Variants in TEAD2 observed in about 807,000 individuals in gnomAD.
The protein encoded by TEAD2 is TEA domain transcription factor 2, also known as transcriptional enhancer factor TEF-4.
A neutral mutation model predicts 61.4 loss-of-function variants in TEAD2; 51 were observed. The observed-to-expected ratio is 0.83, with a 90% CI of 0.66 to 1.05. TEAD2 has a LOEUF of 1.05. Among genes scored for constraint, TEAD2 ranks in the 50% least tolerant of loss-of-function variants. The pLI, the probability that TEAD2 is intolerant of heterozygous loss-of-function variation, is 0.00. For synonymous variants in TEAD2, 244 were observed against 243.2 expected, an observed-to-expected ratio of 1.00 and a Z score of -0.03; for missense variants, 509 against 600.0, an observed-to-expected ratio of 0.85 and a Z score of 1.58.
Position 49,357,232 on chromosome 19 carries a change from A to G in TEAD2, c.360+20T>C, listed in dbSNP as rs199908525. ...CCCCAGTCTCTGTCCCCCTCTCAGG[A>G]TGTCTGCATTGGTCCCTACCTTCAA... On this transcript the variant is annotated intron_variant, in intron 4 of 12. Transcript: ENST00000593945. 391 of 1,031,166 alleles carry G rather than the reference A, an allele frequency of 3.8e-4. 5 individuals carry two copies. The South Asian group carries it at 4.2e-3, about 11-fold the overall frequency. 63.9% of individuals were successfully genotyped at this position (1,031,166 alleles called of 1,614,324 possible). A position where few individuals can be genotyped will look rare whatever the true frequency, so the allele number is the denominator to read the frequency against.
chr19:49,352,611 A>G (rs909205216), intron 7 of TEAD2, among the ~76,000 whole-genome samples: 2 of 152,120 alleles, frequency 1.3e-5, no homozygotes, highest in African/African-American at 4.8e-5. Context: ...ATCTTGGCTC[A>G]CCGCAACCTC....
Position 49,359,291 on chromosome 19 carries a change from T to C in TEAD2, c.297+144A>G, listed in dbSNP as rs2146635209. ...AGCCTCGGGTAATTCTTTATAGCAA[T>C]ACAAACGGACTAACACACATGCCGA... On this transcript the variant is annotated intron_variant, in intron 3 of 12. Transcript: ENST00000593945. This position sits in a 1 kb window ranked among gnomAD's most constrained non-coding sequence, Gnocchi z 4.1. 1 of 728,454 alleles carries C rather than the reference T, an allele frequency of 1.4e-6. No homozygotes were observed. Among genetic ancestry groups the C allele is most frequent in the East Asian group, 2.5e-5 (1 of 39,714 alleles). 45.1% of individuals were successfully genotyped at this position (728,454 alleles called of 1,614,324 possible).
intron 1 of TEAD2, chr19:49,360,458 G>T: frequency 3.8e-6 from 1 of 266,526 alleles, no homozygotes. Context: ...TTCTTGGAAA[G>T]CTGAGGATGG....
intron 1 of TEAD2, chr19:49,360,341 A>G: frequency 2.1e-6 from 1 of 482,788 alleles, no homozygotes. Flanking sequence ...TGGGGCCTGG[A>G]CTCCTGGGTC....
intron 7 of TEAD2, among the ~76,000 whole-genome samples, chr19:49,354,303 A>C (rs548149198): frequency 1.3e-5 from 2 of 151,682 alleles, no homozygotes; most frequent in Non-Finnish European, 2.9e-5. Context: ...CAGGAGTTCA[A>C]GACCAACCTG....
intron 1 of TEAD2, 89 bp from the exon 2 acceptor site, chr19:49,360,170 G>T: frequency 9.5e-7 from 1 of 1,053,934 alleles, no homozygotes; most frequent in Non-Finnish European, 1.4e-6. Flanking sequence ...GGACCACTGG[G>T]TCTGAGGGAG....
At chr19:49,357,460 C>T (rs1972483334) in intron 3 of TEAD2, 146 bp from the exon 4 acceptor site, 2 of 839,666 alleles carry the variant, frequency 2.4e-6, no homozygotes, top group Non-Finnish European at 1.9e-6. Context: ...CTCGGGAGCA[C>T]CCGAACACAG....
intron 12 of TEAD2, among the ~76,000 whole-genome samples, chr19:49,342,037 C>A (rs1469647318): frequency 6.6e-6 from 1 of 151,994 alleles, no homozygotes; most frequent in Non-Finnish European, 1.5e-5. Flanking sequence ...ACTAAAAATA[C>A]AAAAATTAGC....
intron 3 of TEAD2, among the ~76,000 whole-genome samples, chr19:49,358,221 G>T (rs566866274): frequency 6.6e-6 from 1 of 152,060 alleles, no homozygotes; most frequent in Non-Finnish European, 1.5e-5. Flanking sequence ...GCAACAGAGC[G>T]AGACTCCGTC....
chr19:49,361,447 G>A (rs565802265), intron 1 of TEAD2: 1 of 153,150 alleles, frequency 6.5e-6, no homozygotes, highest in East Asian at 1.9e-4. Context: ...CCGAGACCAG[G>A]AGAGACCCAC....
chr19:49,343,855 T>TG (rs549395579), intron 10 of TEAD2, among the ~76,000 whole-genome samples: 2,674 of 113,500 alleles, frequency 0.024, 85 homozygotes, highest in African/African-American at 0.054. Flanking sequence ...TCTTTTTTTT[T>TG]GGGGGGGGGG....
intron 8 of TEAD2, among the ~76,000 whole-genome samples, chr19:49,349,577 AG>A (rs1971879637): frequency 6.6e-6 from 1 of 152,006 alleles, no homozygotes. Context: ...CATAGTAACA[AG>A]TGAATTCTCA....
At position 49,341,570 on chromosome 19, in the gene TEAD2, A is replaced by C. The variant is rs1370852009; in HGVS notation, c.1243-133T>G. The C allele has an allele frequency of 1.5e-4, 105 of 708,328 alleles. No homozygotes were observed. Among genetic ancestry groups the C allele is most frequent in the Middle Eastern group, 2.4e-4 (1 of 4,178 alleles). The allele number at this position is 708,328 out of a possible 1,614,324, so 43.9% of individuals were successfully genotyped here. The stretch of plus-strand genomic sequence containing the variant: ...CCAGGAAACAGGCCGCCACCATATC[A>C]TGTTCCCCAGGAGAAAGGGATGCCC... On this transcript the variant is annotated intron_variant, in intron 12 of 12. Transcript: ENST00000593945. This position sits in a 1 kb window ranked among gnomAD's most constrained non-coding sequence, Gnocchi z 4.2.
chr19:49,347,943 C>T (rs1016358704), intron 9 of TEAD2, among the ~76,000 whole-genome samples: 12 of 152,202 alleles, frequency 7.9e-5, no homozygotes, highest in Non-Finnish European at 1.3e-4. Flanking sequence ...CTACATTTCC[C>T]AGGCCGCTTT....
chr19:49,348,784 C>T lies in TEAD2; in HGVS notation c.666G>A (p.Trp222Ter), dbSNP rs759074846. ...GGGCGGTGCCCAGGCCCCGAGCCTG[C>T]CAGGCTGGGGGCGATGGGGTAGGTG... ...LPPPTPSPPA[W>*]QARGLGTARL... Residue 222 changes from tryptophan to a stop codon, truncating the protein, a stop_gained, in exon 9 of 13, where the codon TGG becomes TGA. Coordinates refer to ENST00000593945, the MANE Select transcript of TEAD2 (RefSeq NM_001256660.2). LOFTEE classifies it high-confidence loss of function. The T allele has an allele frequency of 1.2e-6, 2 of 1,612,464 alleles. No individual in the cohort carries two copies. Among genetic ancestry groups the T allele is most frequent in the Non-Finnish European group, 8.5e-7 (1 of 1,179,282 alleles).
At chr19:49,344,796 C>A (rs536361444) in intron 10 of TEAD2, among the ~76,000 whole-genome samples, 1 of 152,136 alleles carries the variant, frequency 6.6e-6, no homozygotes, top group African/African-American at 2.4e-5. Context: ...ACTTCCCCCT[C>A]GGCCAAATCT....
rs1972660459 is a variant in TEAD2, at chr19:49,359,488, G to A, written c.244C>T (p.Leu82=). Residue 82 remains leucine (L), a synonymous_variant, in exon 3 of 13, where the codon CTG becomes TTG. Transcript: ENST00000593945. The surrounding 1 kb of genome is among the most constrained non-coding windows in gnomAD (Gnocchi z 4.1). ...DEGKMYGRNE[L]IARYIKLRTG... is the part of the protein sequence containing the mutation. Reference sequence around the variant, plus strand: ...CTCAGCTTGATGTAGCGGGCGATCAGTTCATTCCGACCTGAAGATTCAAAG... The same window carrying A: ...CTCAGCTTGATGTAGCGGGCGATCAATTCATTCCGACCTGAAGATTCAAAG... The A allele has an allele frequency of 6.2e-7, 1 of 1,613,942 alleles. No homozygotes were observed. The highest frequency in any genetic ancestry group is 1.3e-5 in the African/African-American group (1 of 74,888).
chr19:49,343,453 G>T, intron 10 of TEAD2, 55 bp from the exon 11 acceptor site: 1 of 1,530,270 alleles, frequency 6.5e-7, no homozygotes. Flanking sequence ...ATAAACAGTG[G>T]GGACTACCAG....
At chr19:49,342,749 T>G (rs995392151) in intron 11 of TEAD2, among the ~76,000 whole-genome samples, 159 bp from the exon 12 acceptor site, 36 of 152,030 alleles carry the variant, frequency 2.4e-4, no homozygotes, top group Non-Finnish European at 2.2e-4. Context: ...AGACTGGGCC[T>G]GAACCCTCGG....
Sources: gnomAD v4.1 joint callset for allele counts (sites outside exome capture counted in the v4.1 genomes callset) on GRCh38, gnomAD v4.1.1 for gene constraint, Gnocchi (gnomAD v3.1) non-coding constraint, MANE v1.5 for transcripts, NCBI Gene and HGNC (gene_info 2026-07-23, HGNC 2026-07-21) for gene names.